The following UNC79 variants were observed in gnomAD, a reference collection of about 807,000 sequenced individuals.
UNC79 encodes unc-79 subunit of NALCN channel complex, also known as protein unc-79 homolog.
In UNC79, 37 loss-of-function variants were observed where a neutral mutation model predicts 283.1. The ratio of observed to expected loss-of-function variants is 0.13; its 90% confidence interval spans 0.10 to 0.17. The LOEUF (loss-of-function observed/expected upper bound fraction) is 0.17, where lower values mean the gene tolerates loss of function less well. UNC79 is among the 10% of genes least tolerant of loss of function. UNC79 has a pLI of 1.00. For synonymous variants in UNC79, 1,107 were observed against 1,200.2 expected (o/e 0.92, Z 1.61); for missense variants, 2,272 against 3,211.1 (o/e 0.71, Z 7.07).
At chr14:93,387,239 A>G (rs1178123386) in intron 1 of UNC79, among the ~76,000 whole-genome samples, 1 of 152,038 alleles carries the variant, frequency 6.6e-6, no homozygotes, top group Non-Finnish European at 1.5e-5. Context: ...CACTGAGCCC[A>G]GCCTCTGCTC....
At chr14:93,556,281 A>T (rs2062167175) in intron 14 of UNC79, among the ~76,000 whole-genome samples, 1 of 138,826 alleles carries the variant, frequency 7.2e-6, no homozygotes, top group African/African-American at 3.4e-5. Context: ...ATGTAAACAC[A>T]AAAAAAAAGG....
intron 2 of UNC79, among the ~76,000 whole-genome samples, chr14:93,472,037 T>C (rs2057539206): frequency 6.6e-6 from 1 of 152,132 alleles, no homozygotes; most frequent in South Asian, 2.1e-4. Context: ...ATAGCATTAA[T>C]TTATGGTATT....
chr14:93,608,675 C>T (rs2066066733), intron 26 of UNC79, among the ~76,000 whole-genome samples: 1 of 152,130 alleles, frequency 6.6e-6, no homozygotes, highest in South Asian at 2.1e-4. Flanking sequence ...AGAGTAAGCT[C>T]ATGGAGGGAT....
intron 23 of UNC79, among the ~76,000 whole-genome samples, chr14:93,595,027 G>A (rs535897550): frequency 6.6e-6 from 1 of 151,442 alleles, no homozygotes; most frequent in East Asian, 1.9e-4. Flanking sequence ...GGAGGGTTAG[G>A]ATTAATCTTC....
intron 1 of UNC79, among the ~76,000 whole-genome samples, chr14:93,415,677 GA>G (rs1183968988): frequency 5.3e-5 from 8 of 151,800 alleles, no homozygotes; most frequent in Admixed American, 5.2e-4. Flanking sequence ...GTAAGCTATT[GA>G]TTATTGCCAC....
chr14:93,510,079 G>A (rs1012614553), intron 7 of UNC79, among the ~76,000 whole-genome samples: 1 of 152,226 alleles, frequency 6.6e-6, no homozygotes, highest in African/African-American at 2.4e-5. Context: ...ATTATGGCTT[G>A]CACTCTCTGG....
rs2067151153 is a variant in UNC79, at chr14:93,621,699, T to C, written c.4466T>C (p.Ile1489Thr). ...CTCCACTGTGTGAGAGAAGAAAGCA[T>C]TCCGAAAAAAAAGCTACGCTCTTTC... The change falls in exon 30 of 49, where the codon ATT becomes ACT. Residue 1489 changes from isoleucine to threonine, a missense_variant. Around this residue, in one of 11 missense-constraint regions of UNC79, gnomAD observed 580 missense variants for 632.2 expected, o/e 0.92. Transcript: ENST00000555664. This position sits in a 1 kb window ranked among gnomAD's most constrained non-coding sequence, Gnocchi z 4.8. 1.9e-6 allele frequency: 3 copies of C among 1,613,544 alleles called. No individual in the cohort carries two copies. The highest frequency in any genetic ancestry group is 2.5e-6 in the Non-Finnish European group (3 of 1,179,810).
At chr14:93,520,280 C>T (rs987936246) in intron 7 of UNC79, among the ~76,000 whole-genome samples, 24 of 151,880 alleles carry the variant, frequency 1.6e-4, no homozygotes, top group African/African-American at 5.8e-4. Flanking sequence ...TCATTCTTAT[C>T]TTTGTTCCCC....
At chr14:93,693,925 G>A (rs948133759) in intron 46 of UNC79, among the ~76,000 whole-genome samples, 8 of 152,070 alleles carry the variant, frequency 5.3e-5, no homozygotes, top group African/African-American at 1.9e-4. Context: ...AGTAATTCAA[G>A]CATTTGTCAT....
intron 2 of UNC79, among the ~76,000 whole-genome samples, chr14:93,472,919 A>G (rs185489131): frequency 2.4e-4 from 36 of 152,264 alleles, no homozygotes; most frequent in African/African-American, 7.7e-4. Flanking sequence ...ATTCTAATGT[A>G]TAGCTATTGT....
intron 24 of UNC79, among the ~76,000 whole-genome samples, chr14:93,600,136 G>C (rs1369887431): frequency 1.3e-5 from 2 of 152,130 alleles, no homozygotes; most frequent in South Asian, 2.1e-4. Context: ...GGAGGCGGAG[G>C]TTGCAGTGAG....
At chr14:93,444,303 G>C (rs150686698) in intron 1 of UNC79, among the ~76,000 whole-genome samples, 15 of 152,036 alleles carry the variant, frequency 9.9e-5, no homozygotes, top group African/African-American at 3.6e-4. Context: ...TTGATCTTTT[G>C]ATTGAGTCTT....
chr14:93,525,861 G>A (rs2141005480), intron 8 of UNC79, among the ~76,000 whole-genome samples: 1 of 152,236 alleles, frequency 6.6e-6, no homozygotes, highest in South Asian at 2.1e-4. Context: ...CTCACAGAAA[G>A]CATCATGAAT....
At chr14:93,512,436 G>A (rs2059871599) in intron 7 of UNC79, among the ~76,000 whole-genome samples, 1 of 151,904 alleles carries the variant, frequency 6.6e-6, no homozygotes, top group Non-Finnish European at 1.5e-5. Flanking sequence ...TTCTTCATCA[G>A]TTTTGGAAAA....
At chr14:93,434,741 A>G (rs1171553570) in intron 1 of UNC79, among the ~76,000 whole-genome samples, 4 of 152,208 alleles carry the variant, frequency 2.6e-5, no homozygotes, top group Non-Finnish European at 4.4e-5. Flanking sequence ...GGGGATAGTT[A>G]TAGTTGTTGT....
chr14:93,612,685 G>A lies in UNC79; in HGVS notation c.3755-112G>A, dbSNP rs2066395560. ...AGTTTCTTAAAGTCTGTCTGGAGCA[G>A]AAAATTTTGTAGACGCAGAAACAAG... is the stretch of plus-strand genomic sequence containing the variant. On this transcript the variant is annotated intron_variant, in intron 26 of 48. Coordinates refer to ENST00000555664, the Ensembl canonical transcript of UNC79. 3 of 1,443,716 alleles carry A rather than the reference G, an allele frequency of 2.1e-6. No homozygotes were observed. The East Asian group carries it at 6.8e-5, about 33-fold the overall frequency. The allele number at this position is 1,443,716 out of a possible 1,614,324, so 89.4% of individuals were successfully genotyped here.
At chr14:93,657,997 A>G (rs2071140363) in intron 38 of UNC79, among the ~76,000 whole-genome samples, 1 of 152,116 alleles carries the variant, frequency 6.6e-6, no homozygotes, top group Admixed American at 6.5e-5. Flanking sequence ...GGGCCTGATG[A>G]GCAGCCAGTT....
chr14:93,618,048 C>T, intron 28 of UNC79, 144 bp from the exon 30 acceptor site: 1 of 855,874 alleles, frequency 1.2e-6, no homozygotes. Flanking sequence ...AGGCCATGAG[C>T]AGAATTTGTT....
exon 48 of UNC79, chr14:93,704,631 C>G: frequency 1.2e-6 from 2 of 1,614,186 alleles, no homozygotes; most frequent in Non-Finnish European, 1.7e-6. Flanking sequence ...ACAGCTGATA[C>G]CTATGTGGTT....
Sources: gnomAD v4.1 joint callset for allele counts (sites outside exome capture counted in the v4.1 genomes callset) on GRCh38, gnomAD v4.1.1 for gene constraint, gnomAD v4.1.1 regional missense constraint, Gnocchi (gnomAD v3.1) non-coding constraint, MANE v1.5 for transcripts, NCBI Gene and HGNC (gene_info 2026-07-23, HGNC 2026-07-21) for gene names.